Variants in SPIRE1 observed in about 807,000 individuals in gnomAD.
SPIRE1 encodes the protein spire type actin nucleation factor 1.
SPIRE1 carries 40 observed loss-of-function variants against 94.1 expected under a neutral mutation model. That is an observed-to-expected ratio of 0.43 (90% CI 0.33 to 0.55). The LOEUF is 0.55. SPIRE1 is among the 20% of genes least tolerant of loss of function. The pLI is 0.06. For synonymous variants in SPIRE1, 376 were observed against 371.7 expected (o/e 1.01, Z -0.13); for missense variants, 838 against 975.2 (o/e 0.86, Z 1.87).
At chr18:12,655,797 G>C (rs2038522183) in intron 1 of SPIRE1, among the ~76,000 whole-genome samples, 1 of 152,268 alleles carries the variant, frequency 6.6e-6, no homozygotes, top group African/African-American at 2.4e-5. Context: ...TGTAAACTGG[G>C]GGCTTGTTCT....
chr18:12,576,315 T>A (rs2036093922), intron 2 of SPIRE1, among the ~76,000 whole-genome samples: 2 of 152,054 alleles, frequency 1.3e-5, no homozygotes, highest in Non-Finnish European at 2.9e-5. Flanking sequence ...AGACTTATAA[T>A]CACCGGGCAT....
At chr18:12,591,260 G>A (rs1386978269) in intron 2 of SPIRE1, among the ~76,000 whole-genome samples, 1 of 152,212 alleles carries the variant, frequency 6.6e-6, no homozygotes, top group East Asian at 1.9e-4. Flanking sequence ...GGAACTGCCA[G>A]TGCAAAGGCC....
intron 4 of SPIRE1, among the ~76,000 whole-genome samples, chr18:12,531,467 T>C (rs2034679487): frequency 6.6e-6 from 1 of 152,248 alleles, no homozygotes; most frequent in African/African-American, 2.4e-5. Flanking sequence ...GTGACACTCT[T>C]AGAGGAAAAT....
chr18:12,495,737 A>G lies in SPIRE1; in HGVS notation c.1059+279T>C, dbSNP rs1375318673. Among the ~76,000 whole-genome samples the G allele has an allele frequency of 7.9e-5, 12 of 152,214 alleles. No homozygotes were observed. In the East Asian group the frequency reaches 2.3e-3, roughly 29 times the overall value. On this transcript the variant is annotated intron_variant, in intron 7 of 16. Transcript: ENST00000409402. ...AACCACATCTCCACAAAAAATTTAA[A>G]AAGTTAGCCTGGGCATGGTGGTGCA...
At chr18:12,458,229 T>C (rs1050620582) in intron 12 of SPIRE1, among the ~76,000 whole-genome samples, 1 of 151,984 alleles carries the variant, frequency 6.6e-6, no homozygotes, top group Non-Finnish European at 1.5e-5. Flanking sequence ...AAAATAACCA[T>C]TGCTTTTTGA....
chr18:12,465,291 C>G (rs1184465464), intron 10 of SPIRE1, among the ~76,000 whole-genome samples: 2 of 152,090 alleles, frequency 1.3e-5, no homozygotes, highest in Non-Finnish European at 2.9e-5. Flanking sequence ...ATCCTCCCAC[C>G]TCAGACTCCA....
intron 7 of SPIRE1, among the ~76,000 whole-genome samples, chr18:12,495,003 T>C (rs186256510): frequency 0.01 from 1,503 of 147,302 alleles, 16 homozygotes; most frequent in Non-Finnish European, 0.017. Context: ...TGAGCCGAGA[T>C]TGCATCACCG....
At chr18:12,452,839 G>T (rs2031312905) in intron 14 of SPIRE1, among the ~76,000 whole-genome samples, 1 of 152,114 alleles carries the variant, frequency 6.6e-6, no homozygotes. Context: ...TTATGTAAAA[G>T]AAGTAACATA....
At chr18:12,537,327 T>C (rs899983758) in intron 3 of SPIRE1, among the ~76,000 whole-genome samples, 1 of 152,242 alleles carries the variant, frequency 6.6e-6, no homozygotes. Context: ...AACTTAACCC[T>C]AATCTTACAT....
At chr18:12,462,250 G>A (rs1054722490) in intron 12 of SPIRE1, among the ~76,000 whole-genome samples, 5 of 152,016 alleles carry the variant, frequency 3.3e-5, no homozygotes, top group African/African-American at 9.7e-5. Context: ...CACAATAATC[G>A]CATTATCTCC....
At chr18:12,457,486 G>A (rs920983111) in intron 12 of SPIRE1, among the ~76,000 whole-genome samples, 1 of 152,076 alleles carries the variant, frequency 6.6e-6, no homozygotes, top group Non-Finnish European at 1.5e-5. Flanking sequence ...CACTGCCTGG[G>A]GCTCCCACTG....
chr18:12,520,983 G>A (rs1391950033), intron 4 of SPIRE1, among the ~76,000 whole-genome samples: 1 of 152,112 alleles, frequency 6.6e-6, no homozygotes, highest in Non-Finnish European at 1.5e-5. Flanking sequence ...TGACACTGGC[G>A]GATTTGGCTA....
intron 2 of SPIRE1, among the ~76,000 whole-genome samples, chr18:12,558,647 C>T (rs1206676142): frequency 6.6e-6 from 1 of 152,086 alleles, no homozygotes; most frequent in Non-Finnish European, 1.5e-5. Flanking sequence ...CCCTGAGCTA[C>T]ACACAGAGTG....
At chr18:12,497,489 G>C (rs543345766) in intron 6 of SPIRE1, among the ~76,000 whole-genome samples, 1 of 152,156 alleles carries the variant, frequency 6.6e-6, no homozygotes, top group South Asian at 2.1e-4. Flanking sequence ...ACCACATATT[G>C]AGTTCAGAGT....
intron 2 of SPIRE1, among the ~76,000 whole-genome samples, chr18:12,567,144 A>T (rs2035840956): frequency 6.6e-6 from 1 of 152,222 alleles, no homozygotes; most frequent in South Asian, 2.1e-4. Context: ...CAAGGTTAAT[A>T]TACAAAAGTC....
At chr18:12,612,424 C>T (rs929455066) in intron 2 of SPIRE1, among the ~76,000 whole-genome samples, 2 of 152,154 alleles carry the variant, frequency 1.3e-5, no homozygotes, top group Non-Finnish European at 2.9e-5. Flanking sequence ...GGGCTCAGCC[C>T]TTAGCCCTTT....
At chr18:12,495,912 A>G in intron 7 of SPIRE1, 104 bp downstream of exon 7, 1 of 820,838 alleles carries the variant, frequency 1.2e-6, no homozygotes, top group Non-Finnish European at 2.0e-6. Context: ...TAAAAAGCTC[A>G]GAGGAAAAAC....
chr18:12,460,681 C>T (rs1329426326), intron 12 of SPIRE1, among the ~76,000 whole-genome samples: 1 of 149,966 alleles, frequency 6.7e-6, no homozygotes, highest in Non-Finnish European at 1.5e-5. Flanking sequence ...CATTGCACTC[C>T]AGCCTGCGCA....
intron 6 of SPIRE1, among the ~76,000 whole-genome samples, chr18:12,505,148 G>A (rs1009523425): frequency 3.3e-5 from 5 of 152,166 alleles, no homozygotes; most frequent in Non-Finnish European, 7.3e-5. Context: ...AGGCCTACTT[G>A]GTTGTTTTTG....
Sources: allele counts gnomAD v4.1 joint callset (sites outside exome capture counted in the v4.1 genomes callset), GRCh38; gene constraint gnomAD v4.1.1; transcripts MANE v1.5; gene names NCBI Gene and HGNC (gene_info 2026-07-23, HGNC 2026-07-21).